The following SNTB1 variants were observed in gnomAD, a reference collection of about 807,000 sequenced individuals.
SNTB1 encodes the protein syntrophin beta 1, also known as beta-1-syntrophin.
A neutral mutation model predicts 48.9 loss-of-function variants in SNTB1; 36 were observed. The observed-to-expected ratio is 0.74, with a 90% CI of 0.56 to 0.97. SNTB1 has a LOEUF of 0.97. Ranked by LOEUF, SNTB1 falls within the 50% of genes least tolerant of loss-of-function variation. The pLI, the probability that SNTB1 is intolerant of heterozygous loss-of-function variation, is 0.00. For synonymous variants in SNTB1, 299 were observed against 294.6 expected, an observed-to-expected ratio of 1.01 and a Z score of -0.15; for missense variants, 786 against 703.4, an observed-to-expected ratio of 1.12 and a Z score of -1.33.
chr8:120,736,468 G>A (rs1405600217), intron 1 of SNTB1, among the ~76,000 whole-genome samples: 1 of 152,216 alleles, frequency 6.6e-6, no homozygotes, highest in Non-Finnish European at 1.5e-5. Flanking sequence ...ATAACAAGGA[G>A]CCAATGACCA....
chr8:120,545,065 C>T (rs1815354644), intron 5 of SNTB1, among the ~76,000 whole-genome samples: 1 of 152,148 alleles, frequency 6.6e-6, no homozygotes, highest in Admixed American at 6.6e-5. Flanking sequence ...TGGGTGGGAC[C>T]AGATGCAGTG....
chr8:120,565,696 T>A lies in SNTB1; in HGVS notation c.1136+9390A>T, dbSNP rs116122941. 5.3e-3 allele frequency among the ~76,000 whole-genome samples: 815 copies of A among 152,338 alleles called. 5 individuals carry two copies. Among genetic ancestry groups the A allele is most frequent in the African/African-American group, 0.019 (775 of 41,572 alleles). ...TGATCCACTGGTGGTCATCACAGCT[T>A]GTGGCCAAACAGCGCTTCTGAAGAA... On this transcript the variant is annotated intron_variant, in intron 4 of 6. Transcript: ENST00000517992.
chr8:120,644,615 A>G (rs1231472521), intron 2 of SNTB1, among the ~76,000 whole-genome samples: 1 of 152,152 alleles, frequency 6.6e-6, no homozygotes, highest in African/African-American at 2.4e-5. Context: ...TAATGTCGCA[A>G]TAAACATGCG....
intron 1 of SNTB1, among the ~76,000 whole-genome samples, chr8:120,733,354 G>A (rs1818884876): frequency 6.6e-6 from 1 of 152,228 alleles, no homozygotes; most frequent in Non-Finnish European, 1.5e-5. Flanking sequence ...GGTGGTCCAC[G>A]CATAGGCGTC....
chr8:120,774,899 C>T lies in SNTB1; in HGVS notation c.571+36374G>A, dbSNP rs185937063. On this transcript the variant is annotated intron_variant, in intron 1 of 6. Transcript: ENST00000517992. ...AAACTCCTGACCTCAAGTGATCCACCTGCCTCAGCCTCCCCAAGTGCTGAG... is the reference window on the plus strand; with the variant it reads ...AAACTCCTGACCTCAAGTGATCCACTTGCCTCAGCCTCCCCAAGTGCTGAG... Among the ~76,000 whole-genome samples, 45 of 152,242 alleles carry T rather than the reference C, an allele frequency of 3.0e-4. No homozygotes were observed. The East Asian group carries it at 8.5e-3, about 29-fold the overall frequency.
chr8:120,665,646 C>T (rs1817662897), intron 2 of SNTB1, among the ~76,000 whole-genome samples: 1 of 151,968 alleles, frequency 6.6e-6, no homozygotes, highest in Non-Finnish European at 1.5e-5. Flanking sequence ...GAACCTTTTC[C>T]AAACTCAAAT....
intron 2 of SNTB1, among the ~76,000 whole-genome samples, chr8:120,653,173 T>C (rs1817436989): frequency 6.6e-6 from 1 of 152,210 alleles, no homozygotes; most frequent in Admixed American, 6.5e-5. Context: ...GTGACTTTAT[T>C]TGGAAATAGG....
chr8:120,750,829 T>A (rs1431950494), intron 1 of SNTB1, among the ~76,000 whole-genome samples: 5 of 152,068 alleles, frequency 3.3e-5, no homozygotes, highest in Non-Finnish European at 7.4e-5. Context: ...CCAAGCAGAA[T>A]CAGCTTTATG....
intron 2 of SNTB1, chr8:120,638,012 TA>T: frequency 5.7e-6 from 1 of 174,778 alleles, no homozygotes. Context: ...ACACCAACAG[TA>T]ACAATGTATG....
intron 1 of SNTB1, among the ~76,000 whole-genome samples, chr8:120,723,265 A>T (rs1818697149): frequency 6.6e-6 from 1 of 152,228 alleles, no homozygotes; most frequent in Admixed American, 6.5e-5. Context: ...TATATGAACA[A>T]AGCAGGTTTA....
chr8:120,612,503 C>T (rs1012696815), intron 3 of SNTB1, among the ~76,000 whole-genome samples: 10 of 152,180 alleles, frequency 6.6e-5, no homozygotes, highest in Non-Finnish European at 1.3e-4. Flanking sequence ...AAGCCCTAGC[C>T]ACTGGGGTGA....
rs541184451 is a variant in SNTB1 at position 120,757,580 on chromosome 8, C to T, written c.571+53693G>A. Among the ~76,000 whole-genome samples, 12 of 152,224 alleles carry T rather than the reference C, an allele frequency of 7.9e-5. No individual in the cohort carries two copies. The South Asian group carries it at 2.5e-3, about 32-fold the overall frequency. ...CAGGAGAAGATCAAAGTAGGAAGCA[C>T]GAGTATTCAGTTTAAATTTATGAAA... On this transcript the variant is annotated intron_variant, in intron 1 of 6. Coordinates refer to ENST00000517992, the MANE Select transcript of SNTB1 (RefSeq NM_021021.4).
At chr8:120,554,674 T>G (rs537576778) in intron 4 of SNTB1, among the ~76,000 whole-genome samples, 1 of 152,202 alleles carries the variant, frequency 6.6e-6, no homozygotes, top group Non-Finnish European at 1.5e-5. Context: ...TGTTTAATAT[T>G]AGAAGTGTTT....
At chr8:120,626,088 G>A (rs1816877732) in intron 3 of SNTB1, among the ~76,000 whole-genome samples, 2 of 152,298 alleles carry the variant, frequency 1.3e-5, no homozygotes, top group Admixed American at 6.5e-5. Flanking sequence ...AATGTAGCTA[G>A]AGAATGAAAT....
At chr8:120,785,203 A>G (rs1163268938) in intron 1 of SNTB1, among the ~76,000 whole-genome samples, 1 of 152,222 alleles carries the variant, frequency 6.6e-6, no homozygotes, top group Non-Finnish European at 1.5e-5. Flanking sequence ...CCCTATGACC[A>G]GAACCATTGA....
At chr8:120,750,265 G>A (rs1213670132) in intron 1 of SNTB1, among the ~76,000 whole-genome samples, 1 of 152,032 alleles carries the variant, frequency 6.6e-6, no homozygotes, top group South Asian at 2.1e-4. Flanking sequence ...AGGGTCTGGT[G>A]ATAGCAAAAG....
At chr8:120,645,323 A>C (rs111760179) in intron 2 of SNTB1, among the ~76,000 whole-genome samples, 10 of 149,848 alleles carry the variant, frequency 6.7e-5, no homozygotes, top group South Asian at 2.1e-4. Context: ...TTTAATCCAT[A>C]TTGAATTGAT....
chr8:120,743,127 T>C (rs1224397672), intron 1 of SNTB1, among the ~76,000 whole-genome samples: 1 of 152,180 alleles, frequency 6.6e-6, no homozygotes, highest in Non-Finnish European at 1.5e-5. Context: ...TCAGTGACTG[T>C]ACTATAGAAC....
chr8:120,626,883 G>A (rs1816893216), intron 3 of SNTB1, among the ~76,000 whole-genome samples: 1 of 152,164 alleles, frequency 6.6e-6, no homozygotes, highest in Admixed American at 6.5e-5. Context: ...TCTAAGGGCA[G>A]CTATTTCTGC....
Sources: gnomAD v4.1 joint callset for allele counts (sites outside exome capture counted in the v4.1 genomes callset) on GRCh38, gnomAD v4.1.1 for gene constraint, MANE v1.5 for transcripts, NCBI Gene and HGNC (gene_info 2026-07-23, HGNC 2026-07-21) for gene names.